The following MCUB variants were observed in gnomAD, a reference collection of about 807,000 sequenced individuals.
MCUB encodes the protein mitochondrial calcium uniporter dominant negative subunit beta.
In MCUB, 46 loss-of-function variants were observed where a neutral mutation model predicts 41.4. That is an observed-to-expected ratio of 1.11 (90% CI 0.88 to 1.42). The LOEUF (loss-of-function observed/expected upper bound fraction) is 1.42, where lower values mean the gene tolerates loss of function less well. Among genes scored for constraint, MCUB ranks in the 40% most tolerant of loss-of-function variants. The pLI is 0.00. For missense variants in MCUB, 403 were observed against 404.9 expected, an observed-to-expected ratio of 1.00 and a Z score of 0.04; for synonymous variants, 148 against 148.2, an observed-to-expected ratio of 1.00 and a Z score of 0.01.
chr4:109,561,784 T>C (rs992280989), intron 1 of MCUB, among the ~76,000 whole-genome samples: 1 of 152,242 alleles, frequency 6.6e-6, no homozygotes, highest in Non-Finnish European at 1.5e-5. Flanking sequence ...AGTCTTGCTC[T>C]GTTACCCAGG....
At chr4:109,675,363 A>G (rs888382350) in intron 4 of MCUB, among the ~76,000 whole-genome samples, 5 of 152,248 alleles carry the variant, frequency 3.3e-5, no homozygotes, top group Non-Finnish European at 5.9e-5. Flanking sequence ...ATGGCCTATA[A>G]AAACTGTAAA....
intron 1 of MCUB, among the ~76,000 whole-genome samples, chr4:109,621,657 C>G (rs1395100812): frequency 1.3e-5 from 2 of 152,068 alleles, no homozygotes; most frequent in Non-Finnish European, 2.9e-5. Flanking sequence ...AAATTTTATC[C>G]CTTAAGCTTC....
chr4:109,616,811 T>C (rs180808245), intron 1 of MCUB, among the ~76,000 whole-genome samples: 12 of 152,164 alleles, frequency 7.9e-5, no homozygotes, highest in Admixed American at 2.0e-4. Flanking sequence ...TTATAAAATA[T>C]ACTTTCTATG....
chr4:109,570,892 A>G (rs1230326771), intron 1 of MCUB, among the ~76,000 whole-genome samples: 2 of 152,232 alleles, frequency 1.3e-5, no homozygotes, highest in Non-Finnish European at 2.9e-5. Flanking sequence ...TGTTAGCCTT[A>G]TAACTAACCA....
intron 1 of MCUB, among the ~76,000 whole-genome samples, chr4:109,627,903 ACT>A (rs1487959837): frequency 7.1e-6 from 1 of 141,274 alleles, no homozygotes; most frequent in Non-Finnish European, 1.6e-5. Context: ...ACAGAGTAAG[ACT>A]CTGTCTCAGA....
chr4:109,655,019 C>T (rs1310425191), intron 1 of MCUB, among the ~76,000 whole-genome samples: 2 of 152,182 alleles, frequency 1.3e-5, no homozygotes, highest in Non-Finnish European at 2.9e-5. Flanking sequence ...CTGGGCCTCT[C>T]ATGTTTCTCA....
At chr4:109,624,469 CAT>C (rs1188309814) in intron 1 of MCUB, among the ~76,000 whole-genome samples, 21 of 152,164 alleles carry the variant, frequency 1.4e-4, no homozygotes, top group African/African-American at 4.3e-4. Context: ...GTTTTGAAGA[CAT>C]GTGAACACAT....
At position 109,660,217 on chromosome 4, in the gene MCUB, T is replaced by C. The variant is rs748430752; in HGVS notation, c.198T>C (p.His66=). The change falls in exon 3 of 8, where the codon CAT becomes CAC. Residue 66 remains histidine (H), a synonymous_variant. Transcript: ENST00000394650. ...CAGAAATAACAGTTATTTATAGACA[T>C]GGCCTTCCCTTGGTAACACTTACCT... is the stretch of plus-strand genomic sequence containing the variant. The part of the protein sequence containing the change: ...PPDEITVIYR[H]GLPLVTLTLP... 1 of 1,574,522 alleles carries C rather than the reference T, an allele frequency of 6.4e-7. No homozygotes were observed. The highest frequency in any genetic ancestry group is 1.2e-5 in the South Asian group (1 of 86,392).
At chr4:109,629,672 A>G (rs947583711) in intron 1 of MCUB, among the ~76,000 whole-genome samples, 4 of 152,154 alleles carry the variant, frequency 2.6e-5, no homozygotes, top group Non-Finnish European at 4.4e-5. Flanking sequence ...CGTTTACTAT[A>G]TAGGATATTA....
intron 1 of MCUB, among the ~76,000 whole-genome samples, chr4:109,632,139 A>G (rs972615775): frequency 5.9e-5 from 9 of 152,224 alleles, no homozygotes; most frequent in Non-Finnish European, 1.5e-5. Flanking sequence ...TCCATTATTG[A>G]AATTTATTTA....
At chr4:109,594,959 C>T (rs187445418) in intron 1 of MCUB, among the ~76,000 whole-genome samples, 557 of 151,940 alleles carry the variant, frequency 3.7e-3, no homozygotes, top group African/African-American at 0.013. Flanking sequence ...TCCTGCACAC[C>T]AGTTCCAAGA....
At chr4:109,604,256 G>T (rs951141393) in intron 1 of MCUB, among the ~76,000 whole-genome samples, 4 of 149,624 alleles carry the variant, frequency 2.7e-5, no homozygotes, top group Non-Finnish European at 5.9e-5. Context: ...GCGGAAGGCC[G>T]CAGGGACCTC....
intron 5 of MCUB, chr4:109,683,092 C>A: frequency 6.3e-6 from 1 of 158,680 alleles, no homozygotes; most frequent in Non-Finnish European, 1.4e-5. Context: ...GTCCTACCTC[C>A]CTTTCCTTTT....
At chr4:109,684,909 A>T (rs1729802530) in intron 6 of MCUB, 1 of 386,852 alleles carries the variant, frequency 2.6e-6, no homozygotes, top group African/African-American at 2.1e-5. Flanking sequence ...GCCCTCATTT[A>T]TAAAAAAAAC....
At chr4:109,563,300 A>G (rs979611658) in intron 1 of MCUB, among the ~76,000 whole-genome samples, 2 of 152,242 alleles carry the variant, frequency 1.3e-5, no homozygotes, top group South Asian at 4.1e-4. Flanking sequence ...CACTCTGCAG[A>G]GCAGCTTAAG....
intron 1 of MCUB, among the ~76,000 whole-genome samples, chr4:109,578,327 C>A (rs966103907): frequency 1.3e-5 from 2 of 152,076 alleles, no homozygotes; most frequent in Non-Finnish European, 2.9e-5. Flanking sequence ...TAACTTGTTA[C>A]AAAATATTTT....
chr4:109,661,103 G>A (rs780132343), intron 3 of MCUB, among the ~76,000 whole-genome samples: 1 of 152,036 alleles, frequency 6.6e-6, no homozygotes, highest in Non-Finnish European at 1.5e-5. Context: ...ATGTTTTTTG[G>A]CAGAATTAGT....
At chr4:109,629,853 T>A (rs1728436353) in intron 1 of MCUB, among the ~76,000 whole-genome samples, 1 of 152,208 alleles carries the variant, frequency 6.6e-6, no homozygotes, top group African/African-American at 2.4e-5. Context: ...TATGTAGGAA[T>A]GATTCATTAA....
At chr4:109,633,382 C>A (rs1728519062) in intron 1 of MCUB, among the ~76,000 whole-genome samples, 1 of 152,108 alleles carries the variant, frequency 6.6e-6, no homozygotes, top group African/African-American at 2.4e-5. Flanking sequence ...ATTGTCCTGC[C>A]TCAGCCTCCT....
Sources: gnomAD v4.1 joint callset for allele counts (sites outside exome capture counted in the v4.1 genomes callset) on GRCh38, gnomAD v4.1.1 for gene constraint, MANE v1.5 for transcripts, NCBI Gene and HGNC (gene_info 2026-07-23, HGNC 2026-07-21) for gene names.